RGMA: variants seen among roughly 807,000 people sequenced by gnomAD.
RGMA encodes repulsive guidance molecule BMP co-receptor a, also known as repulsive guidance molecule A.
RGMA carries 10 observed loss-of-function variants against 23.2 expected under a neutral mutation model. The observed-to-expected ratio is 0.43, with a 90% confidence interval of 0.27 to 0.73. The LOEUF is 0.73. Ranked by LOEUF, RGMA falls within the 30% of genes least tolerant of loss-of-function variation. RGMA has a pLI of 0.20. For synonymous variants in RGMA, 308 were observed against 279.3 expected, an observed-to-expected ratio of 1.10 and a Z score of -1.03; for missense variants, 547 against 630.5, an observed-to-expected ratio of 0.87 and a Z score of 1.42.
At chr15:93,079,260 A>T (rs1895520743) in intron 1 of RGMA, among the ~76,000 whole-genome samples, 1 of 152,186 alleles carries the variant, frequency 6.6e-6, no homozygotes, top group Non-Finnish European at 1.5e-5. Flanking sequence ...ATTTCCCCGC[A>T]CATGCTGGAG....
intron 1 of RGMA, among the ~76,000 whole-genome samples, chr15:93,087,047 T>C (rs1895644125): frequency 6.6e-6 from 1 of 152,122 alleles, no homozygotes; most frequent in East Asian, 1.9e-4. Context: ...CACCATTTCA[T>C]ATGTCTATTG....
chr15:93,060,154 C>T (rs1473671725), intron 2 of RGMA, among the ~76,000 whole-genome samples: 2 of 152,206 alleles, frequency 1.3e-5, no homozygotes, highest in Non-Finnish European at 2.9e-5. Context: ...TAAGAAGTTT[C>T]CTGAGCTTCC....
In RGMA at chr15:93,036,910, T is replaced by G. The variant is rs2054667389; in HGVS notation, c.*8088A>C. On this transcript the variant is annotated 3_prime_UTR_variant, in exon 4 of 4. Transcript: ENST00000329082. ...TGCTTTCTAGGGTTTTTGTGAAATT[T>G]GACAAAGCAATGCAGGACTCGTTTC... 1 of 152,212 alleles carries G rather than the reference T, an allele frequency of 6.6e-6. No homozygotes were observed. Among genetic ancestry groups the G allele is most frequent in the Non-Finnish European group, 1.5e-5 (1 of 68,060 alleles). 9.4% of individuals were successfully genotyped at this position (152,212 alleles called of 1,614,324 possible).
At chr15:93,051,899 C>G in intron 3 of RGMA, 94 bp downstream of exon 3, 2 of 1,332,638 alleles carry the variant, frequency 1.5e-6, no homozygotes, top group Non-Finnish European at 2.0e-6. Context: ...TTCCCCCATT[C>G]CCAGGCACCC....
In RGMA at chr15:93,038,569, GTTTTTTT is replaced by G. The variant is rs1185571787; in HGVS notation, c.*6422_*6428del. ...GCCTTAATGAACGAAACTGTTAGTT[GTTTTTTT>G]TTTTTTTTTGAGACGGTGTCTTGCT... On this transcript the variant is annotated 3_prime_UTR_variant, in exon 4 of 4. Coordinates refer to ENST00000329082, the MANE Select transcript of RGMA (RefSeq NM_020211.3). The G allele has an allele frequency of 1.0e-5, 1 of 100,224 alleles. No individual in the cohort carries two copies. The highest frequency in any genetic ancestry group is 3.2e-5 in the African/African-American group (1 of 30,862). 6.2% of individuals were successfully genotyped at this position (100,224 alleles called of 1,614,324 possible).
At position 93,052,125 on chromosome 15, in the gene RGMA, G is replaced by C. The variant is rs2054932782; in HGVS notation, c.513C>G (p.Leu171=). The C allele has an allele frequency of 1.2e-6, 2 of 1,613,818 alleles. No individual in the cohort carries two copies. The highest frequency in any genetic ancestry group is 1.7e-6 in the Non-Finnish European group (2 of 1,179,882). ...TCTGGAAGCGGTCGGTGAAAGTCCT[G>C]AGGTGTGGGTCCCCGAAGAGGCCAC... The part of the protein sequence containing the change: ...THCGLFGDPH[L]RTFTDRFQTC... The change falls in exon 3 of 4, where the codon CTC becomes CTG. Residue 171 remains leucine (L), a synonymous_variant. Coordinates refer to ENST00000329082, the MANE Select transcript of RGMA (RefSeq NM_020211.3).
At chr15:93,049,137 G>GTCTC (rs1444466579) in intron 3 of RGMA, among the ~76,000 whole-genome samples, 1 of 152,142 alleles carries the variant, frequency 6.6e-6, no homozygotes, top group Non-Finnish European at 1.5e-5. Context: ...TGCCGCTCCT[G>GTCTC]TCTCTGCTGC....
At chr15:93,056,258 C>T (rs988756386) in intron 2 of RGMA, among the ~76,000 whole-genome samples, 1 of 152,218 alleles carries the variant, frequency 6.6e-6, no homozygotes, top group African/African-American at 2.4e-5. Context: ...CGACATTTCC[C>T]CAGGATGGGG....
In RGMA at chr15:93,043,430, AACTTT is replaced by A. The variant is rs2054756173; in HGVS notation, c.*1563_*1567del. ...CTAAAAGAAAATAACAAAAAAACCA[AACTTT>A]ACTTGCATTTAGCCATTAATAAATA... On this transcript the variant is annotated 3_prime_UTR_variant, in exon 4 of 4. Transcript: ENST00000329082. The A allele has an allele frequency of 6.6e-6, 1 of 152,488 alleles. No individual in the cohort carries two copies. The highest frequency in any genetic ancestry group is 1.5e-5 in the Non-Finnish European group (1 of 68,038). The allele number at this position is 152,488 out of a possible 1,614,324, so 9.4% of individuals were successfully genotyped here.
intron 1 of RGMA, chr15:93,088,651 T>C: frequency 2.9e-6 from 3 of 1,017,132 alleles, no homozygotes; most frequent in Non-Finnish European, 3.9e-6. Flanking sequence ...GTAAGGGACG[T>C]GTGCCGGGTC....
rs755395710 is a variant in RGMA at position 93,045,637 on chromosome 15, C to G, written c.714G>C (p.Glu238Asp). Residue 238 changes from glutamate (E) to aspartate (D), a missense_variant, in exon 4 of 4, where the codon GAG becomes GAC. Transcript: ENST00000329082. This position sits in a 1 kb window ranked among gnomAD's most constrained non-coding sequence, Gnocchi z 6.9. ...DQKVYQAEMD[E>D]LPAAFVDGSK... ...AGCCATCCACGAAGGCGGCCGGGAG[C>G]TCGTCCATCTCAGCCTGGTACACCT... 12 of 1,611,500 alleles carry G rather than the reference C, an allele frequency of 7.4e-6. No individual in the cohort carries two copies. The highest frequency in any genetic ancestry group is 1.3e-5 in the African/African-American group (1 of 74,918).
intron 1 of RGMA, among the ~76,000 whole-genome samples, chr15:93,084,045 A>G (rs1312414716): frequency 6.6e-6 from 1 of 152,236 alleles, no homozygotes; most frequent in Admixed American, 6.5e-5. Context: ...AACAAATGTT[A>G]ATTATTATTT....
chr15:93,048,756 G>T (rs571204838), intron 3 of RGMA, among the ~76,000 whole-genome samples: 1 of 152,072 alleles, frequency 6.6e-6, no homozygotes, highest in African/African-American at 2.4e-5. Context: ...CCACCCACTG[G>T]CCAGCCCACC....
chr15:93,065,957 G>A (rs777933729), intron 2 of RGMA: 76 of 870,140 alleles, frequency 8.7e-5, no homozygotes, highest in Admixed American at 2.6e-4. Flanking sequence ...AAGAAGGGTG[G>A]GGGGCGCCGT....
At chr15:93,057,062 G>A (rs553249762) in intron 2 of RGMA, among the ~76,000 whole-genome samples, 1 of 152,146 alleles carries the variant, frequency 6.6e-6, no homozygotes, top group Non-Finnish European at 1.5e-5. Context: ...AGGCCCTGCT[G>A]GCACTCACTC....
At chr15:93,073,798 C>T in intron 1 of RGMA, 1 of 1,534,094 alleles carries the variant, frequency 6.5e-7, no homozygotes, top group Non-Finnish European at 8.7e-7. Context: ...CCTTCAAGCA[C>T]CTCGCTGCTT....
chr15:93,048,569 C>T (rs2054865914), intron 3 of RGMA, among the ~76,000 whole-genome samples: 1 of 152,146 alleles, frequency 6.6e-6, no homozygotes, highest in South Asian at 2.1e-4. Flanking sequence ...AGCCTGGCCG[C>T]AGGACACGGC....
intron 2 of RGMA, among the ~76,000 whole-genome samples, chr15:93,071,172 A>G (rs1258586272): frequency 6.6e-6 from 1 of 152,248 alleles, no homozygotes; most frequent in Non-Finnish European, 1.5e-5. Context: ...AACCCATCTG[A>G]TAAAACTTCC....
chr15:93,058,811 G>A (rs2055055080), intron 2 of RGMA, among the ~76,000 whole-genome samples: 1 of 152,106 alleles, frequency 6.6e-6, no homozygotes, highest in African/African-American at 2.4e-5. Context: ...GGTGCTGCGG[G>A]GCCACAAAGA....
Sources: gnomAD v4.1 joint callset for allele counts (sites outside exome capture counted in the v4.1 genomes callset) on GRCh38, gnomAD v4.1.1 for gene constraint, Gnocchi (gnomAD v3.1) non-coding constraint, MANE v1.5 for transcripts, NCBI Gene and HGNC (gene_info 2026-07-23, HGNC 2026-07-21) for gene names.